ANKRD66: variants seen among roughly 807,000 people sequenced by gnomAD.
ANKRD66 encodes the protein ankyrin repeat domain-containing protein 66.
A neutral mutation model predicts 10.9 loss-of-function variants in ANKRD66; 10 were observed. That is an observed-to-expected ratio of 0.91 (90% CI 0.56 to 1.55). The LOEUF is 1.55. ANKRD66 is among the 40% of genes most tolerant of loss of function. The pLI is 0.00. For synonymous variants in ANKRD66, 85 were observed against 88.4 expected (o/e 0.96, Z 0.22); for missense variants, 252 against 242.9 (o/e 1.04, Z -0.25).
chr6:46,753,129 C>A (rs560394813), intron 3 of ANKRD66, among the ~76,000 whole-genome samples: 1 of 152,304 alleles, frequency 6.6e-6, no homozygotes, highest in South Asian at 2.1e-4. Context: ...TACTTCATGT[C>A]TGTGATTTCA....
rs1562089759 is a variant in ANKRD66 at position 46,749,557 on chromosome 6, C to CCCA, written c.-96-337_-96-336insACC. On this transcript the variant is annotated intron_variant, in intron 1 of 4. Transcript: ENST00000565422. ...TTTTTTTTTCTCTTTTATTCCCCCCCCCCCCCCCCCGCTTTTTTCTTTTCC... is the reference window on the plus strand; with the variant it reads ...TTTTTTTTTCTCTTTTATTCCCCCCCCCACCCCCCCCCCGCTTTTTTCTTTTCC... Among the ~76,000 whole-genome samples the CCCA allele has an allele frequency of 5.2e-5, 5 of 96,332 alleles. 1 individual carries two copies. The highest frequency in any genetic ancestry group is 8.4e-5 in the African/African-American group (2 of 23,864). 63.2% of individuals were successfully genotyped at this position (96,332 alleles called of 152,430 possible).
chr6:46,751,502 C>A (rs1344759081), intron 2 of ANKRD66, among the ~76,000 whole-genome samples: 1 of 151,626 alleles, frequency 6.6e-6, no homozygotes, highest in East Asian at 1.9e-4. Context: ...TTTTTTTTTG[C>A]AAATTGACAT....
chr6:46,748,534 A>G (rs963848188), intron 1 of ANKRD66, among the ~76,000 whole-genome samples: 6 of 152,250 alleles, frequency 3.9e-5, no homozygotes, highest in Non-Finnish European at 5.9e-5. Context: ...ATCATTGATC[A>G]AACACTCCAG....
intron 1 of ANKRD66, among the ~76,000 whole-genome samples, chr6:46,748,599 C>T (rs1382463623): frequency 6.6e-6 from 1 of 152,200 alleles, no homozygotes; most frequent in Non-Finnish European, 1.5e-5. Context: ...TCTGTGCCAT[C>T]TTCTCTTTTA....
rs1371462584 is a variant in ANKRD66 at position 46,758,888 on chromosome 6, C to A, written c.558C>A (p.Thr186=). ...AGAATAAGAAAAGTCGAGGCCCCAC[C>A]AGGCCCAGCAATACCAAGGGGAGGA... ...NKKNKKSRGP[T]RPSNTKGRRV The change falls in exon 5 of 5, where the codon ACC becomes ACA. Residue 186 remains threonine (T), a synonymous_variant. Coordinates refer to ENST00000565422, the MANE Select transcript of ANKRD66 (RefSeq NM_001162435.3). 1.3e-6 allele frequency: 2 copies of A among 1,551,328 alleles called. No homozygotes were observed. Among genetic ancestry groups the A allele is most frequent in the African/African-American group, 2.7e-5 (2 of 73,110 alleles).
chr6:46,748,355 C>G (rs374423769), intron 1 of ANKRD66, among the ~76,000 whole-genome samples: 23 of 152,266 alleles, frequency 1.5e-4, no homozygotes, highest in African/African-American at 5.1e-4. Context: ...GTTATGGAAT[C>G]TTGGCATGAA....
intron 1 of ANKRD66, among the ~76,000 whole-genome samples, chr6:46,747,542 T>C (rs1766175822): frequency 6.6e-6 from 1 of 152,200 alleles, no homozygotes; most frequent in African/African-American, 2.4e-5. Flanking sequence ...TCCACATACA[T>C]GGAGGTATGC....
Position 46,749,903 on chromosome 6 carries a change from C to G in ANKRD66, c.-89C>G, listed in dbSNP as rs1365142695. 6.4e-7 allele frequency: 1 copy of G among 1,550,602 alleles called. No individual in the cohort carries two copies. Among genetic ancestry groups the G allele is most frequent in the Admixed American group, 2.0e-5 (1 of 50,928 alleles). Reference sequence around the variant, plus strand: ...TTCTTTCTCTCCCTCCAGGGCTGTTCTCACATTTCAATGCACTCACCTGGA... The same window carrying G: ...TTCTTTCTCTCCCTCCAGGGCTGTTGTCACATTTCAATGCACTCACCTGGA... On this transcript the variant is annotated 5_prime_UTR_variant, in exon 2 of 5. Transcript: ENST00000565422.
At chr6:46,750,693 A>G (rs1443922516) in intron 2 of ANKRD66, among the ~76,000 whole-genome samples, 1 of 148,802 alleles carries the variant, frequency 6.7e-6, no homozygotes, top group Non-Finnish European at 1.5e-5. Flanking sequence ...TGTATATTAT[A>G]TATACGTGTG....
rs982480549 is a variant in ANKRD66, at chr6:46,758,867, T to A, written c.537T>A (p.Asn179Lys). The A allele has an allele frequency of 3.9e-6, 6 of 1,551,268 alleles. No homozygotes were observed. In the African/African-American group the frequency reaches 8.2e-5, roughly 21 times the overall value. Residue 179 changes from asparagine (N) to lysine (K), a missense_variant, in exon 5 of 5, where the codon AAT becomes AAA. By Grantham distance (94) the Asn-to-Lys change is moderately conservative (BLOSUM62 0). Coordinates refer to ENST00000565422, the MANE Select transcript of ANKRD66 (RefSeq NM_001162435.3). Reference protein sequence around the residue: ...PSLNQNMNKKNKKSRGPTRPS... With the variant: ...PSLNQNMNKKKKKSRGPTRPS... ...TAAATCAAAACATGAATAAAAAGAA[T>A]AAGAAAAGTCGAGGCCCCACCAGGC...
chr6:46,758,180 T>C (rs904034950), intron 4 of ANKRD66: 3 of 152,272 alleles, frequency 2.0e-5, no homozygotes, highest in African/African-American at 7.2e-5. Context: ...CAAAACTGTA[T>C]ATGTGTGTAT....
Position 46,749,986 on chromosome 6 carries a change from C to A in ANKRD66, c.-13+7C>A. On this transcript the variant is annotated splice_region_variant and intron_variant, in intron 2 of 4. Transcript: ENST00000565422. The stretch of plus-strand genomic sequence containing the variant: ...GCCCAGAGTTTCAGATTCTGTAAGT[C>A]TGGGGCTGAGCACAATAATTTGCAT... The A allele has an allele frequency of 1.4e-6, 2 of 1,380,266 alleles. No individual in the cohort carries two copies. The highest frequency in any genetic ancestry group is 1.2e-5 in the South Asian group (1 of 80,562). The allele number at this position is 1,380,266 out of a possible 1,614,324, so 85.5% of individuals were successfully genotyped here. A position where few individuals can be genotyped will look rare whatever the true frequency, so the allele number is the denominator to read the frequency against.
chr6:46,757,453 T>G (rs1766405816), intron 4 of ANKRD66: 2 of 151,542 alleles, frequency 1.3e-5, no homozygotes, highest in African/African-American at 4.9e-5. Context: ...AGCAGAAGAG[T>G]GTGAGCTCAT....
At chr6:46,749,567 C>CCCCG (rs1450913241) in intron 1 of ANKRD66, among the ~76,000 whole-genome samples, 6 of 103,160 alleles carry the variant, frequency 5.8e-5, no homozygotes, top group Middle Eastern at 5.3e-3. Flanking sequence ...CCCCCCCCCC[C>CCCCG]GCTTTTTTCT....
chr6:46,754,079 T>G, intron 4 of ANKRD66, 129 bp downstream of exon 4: 3 of 806,926 alleles, frequency 3.7e-6, no homozygotes, highest in Non-Finnish European at 5.5e-6. Context: ...GGACTATTAT[T>G]TTTATTGATT....
intron 3 of ANKRD66, 59 bp from the exon 4 acceptor site, chr6:46,753,663 C>T: frequency 6.8e-7 from 1 of 1,465,930 alleles, no homozygotes; most frequent in South Asian, 1.4e-5. Flanking sequence ...GCCCTGGCCT[C>T]AAGCCACTTG....
At position 46,752,116 on chromosome 6, in the gene ANKRD66, G is replaced by C. The variant is rs1766283397; in HGVS notation, c.163+5G>C. 2.0e-6 allele frequency: 3 copies of C among 1,472,184 alleles called. No individual in the cohort carries two copies. Among genetic ancestry groups the C allele is most frequent in the African/African-American group, 1.5e-5 (1 of 68,666 alleles). 91.2% of individuals were successfully genotyped at this position (1,472,184 alleles called of 1,614,324 possible). On this transcript the variant is annotated splice_donor_5th_base_variant and intron_variant, in intron 3 of 4. Coordinates refer to ENST00000565422, the MANE Select transcript of ANKRD66 (RefSeq NM_001162435.3). ...TTCACTGGGCTGCAATCAAAGGTGA[G>C]TGGGCAATGCTTAGGTAGATCTGCC...
intron 1 of ANKRD66, among the ~76,000 whole-genome samples, chr6:46,749,035 GC>G (rs1244899907): frequency 6.6e-6 from 1 of 152,168 alleles, no homozygotes; most frequent in East Asian, 1.9e-4. Flanking sequence ...ACTTTCGTAG[GC>G]CCGTGGTCAC....
intron 3 of ANKRD66, among the ~76,000 whole-genome samples, chr6:46,752,314 A>G (rs1046748531): frequency 2.6e-5 from 4 of 152,068 alleles, no homozygotes; most frequent in African/African-American, 9.7e-5. Context: ...AGCTCACTAT[A>G]ACCTCCACCT....
Sources: gnomAD v4.1 joint callset for allele counts (sites outside exome capture counted in the v4.1 genomes callset) on GRCh38, gnomAD v4.1.1 for gene constraint, MANE v1.5 for transcripts, NCBI Gene and HGNC (gene_info 2026-07-23, HGNC 2026-07-21) for gene names.